Variants in MTMR8 observed in about 807,000 individuals in gnomAD.
The protein encoded by MTMR8 is phosphatidylinositol-3,5-bisphosphate 3-phosphatase MTMR8.
Under a neutral mutation model 39.3 loss-of-function variants are expected in MTMR8, and 65 were observed. The ratio of observed to expected loss-of-function variants is 1.65; its 90% CI spans 1.35 to 2.03. The LOEUF (loss-of-function observed/expected upper bound fraction) is 2.03. Ranked by LOEUF, MTMR8 falls within the 30% of genes most tolerant of loss-of-function variation. The pLI is 0.00. For synonymous variants in MTMR8, 245 were observed against 185.2 expected, an observed-to-expected ratio of 1.32 and a Z score of -2.62; for missense variants, 777 against 538.9, an observed-to-expected ratio of 1.44 and a Z score of -4.37.
chrX:64,301,101 T>G (rs1921854165), intron 12 of MTMR8, among the ~76,000 whole-genome samples: 1 of 106,975 alleles, frequency 9.3e-6, no homozygotes, highest in Non-Finnish European at 1.9e-5. Flanking sequence ...TTCTCTGTAT[T>G]TCCTGAATCT....
chrX:64,354,199 G>A (rs886197007), intron 4 of MTMR8, among the ~76,000 whole-genome samples: 3 of 108,065 alleles, frequency 2.8e-5, no homozygotes, highest in African/African-American at 1.0e-4. Flanking sequence ...GATAAAAAGA[G>A]GATCCTCAAC....
chrX:64,270,886 A>T (rs1361963574), intron 13 of MTMR8, 61 bp downstream of exon 13: 45 of 1,151,059 alleles, frequency 3.9e-5, no homozygotes, highest in Non-Finnish European at 4.8e-5. Flanking sequence ...ATTCAACTCC[A>T]AGCAGGCTGG....
intron 1 of MTMR8, among the ~76,000 whole-genome samples, chrX:64,383,388 T>G (rs1471277821): frequency 3.7e-5 from 4 of 109,255 alleles, no homozygotes; most frequent in African/African-American, 1.3e-4. Context: ...TATAATTATA[T>G]AGAATTCCAA....
intron 12 of MTMR8, among the ~76,000 whole-genome samples, chrX:64,285,798 C>A (rs1285811733): frequency 9.0e-6 from 1 of 110,929 alleles, no homozygotes; most frequent in Admixed American, 9.6e-5. Context: ...ACACAACATA[C>A]CAGAATCTCT....
At chrX:64,352,064 T>C (rs945879884) in intron 4 of MTMR8, among the ~76,000 whole-genome samples, 7 of 111,962 alleles carry the variant, frequency 6.3e-5, no homozygotes, top group Admixed American at 9.5e-5. Flanking sequence ...TAAAACTGTT[T>C]GTACAAACAA....
intron 12 of MTMR8, among the ~76,000 whole-genome samples, chrX:64,288,255 A>G (rs920720004): frequency 9.1e-6 from 1 of 110,469 alleles, no homozygotes; most frequent in Non-Finnish European, 1.9e-5. Flanking sequence ...TACATTTATG[A>G]GCCATGAAAC....
chrX:64,393,782 A>G (rs902540438), intron 1 of MTMR8, among the ~76,000 whole-genome samples: 1 of 112,216 alleles, frequency 8.9e-6, no homozygotes, highest in Non-Finnish European at 1.9e-5. Flanking sequence ...AGGGAGTCAG[A>G]AAAAAAGGTT....
At chrX:64,348,219 C>A (rs1216126215) in intron 6 of MTMR8, among the ~76,000 whole-genome samples, 5 of 109,663 alleles carry the variant, frequency 4.6e-5, no homozygotes, top group Non-Finnish European at 9.5e-5. Context: ...TTTGGGAGAA[C>A]CAAAGTATTA....
At chrX:64,298,590 C>T (rs1053713596) in intron 12 of MTMR8, among the ~76,000 whole-genome samples, 3 of 92,557 alleles carry the variant, frequency 3.2e-5, no homozygotes, top group African/African-American at 6.9e-5. Context: ...TGTCTAATTG[C>T]CCTGGCCAGA....
At chrX:64,364,671 A>C (rs776499002) in intron 1 of MTMR8, among the ~76,000 whole-genome samples, 1 of 111,824 alleles carries the variant, frequency 8.9e-6, no homozygotes, top group African/African-American at 3.3e-5. Context: ...CAGAGCAGAA[A>C]AGCTAAAAAT....
intron 12 of MTMR8, among the ~76,000 whole-genome samples, chrX:64,308,098 A>G (rs921877690): frequency 9.0e-6 from 1 of 111,523 alleles, no homozygotes; most frequent in Non-Finnish European, 1.9e-5. Context: ...ACATGTATAC[A>G]TATGTAACAA....
Position 64,268,174 on chromosome X carries a change from C to T in MTMR8, c.*363G>A, listed in dbSNP as rs1931667687. 5.3e-6 allele frequency: 1 copy of T among 188,838 alleles called. No homozygotes were observed. The highest frequency in any genetic ancestry group is 1.2e-4 in the East Asian group (1 of 8,663). The allele number at this position is 188,838 out of a possible 1,213,427, so 15.6% of individuals were successfully genotyped here. On this transcript the variant is annotated 3_prime_UTR_variant, in exon 14 of 14. Transcript: ENST00000374852. ...AAAGGGTCATTATTGACCATTGTGACAATATTTCCACTTCACTTTCACATT... is the reference window on the plus strand; with the variant it reads ...AAAGGGTCATTATTGACCATTGTGATAATATTTCCACTTCACTTTCACATT...
At chrX:64,353,480 G>A (rs941420396) in intron 4 of MTMR8, among the ~76,000 whole-genome samples, 9 of 112,089 alleles carry the variant, frequency 8.0e-5, no homozygotes, top group Non-Finnish European at 1.9e-5. Context: ...TGACCAACAA[G>A]TATATGAAAA....
chrX:64,276,286 T>C (rs756708145), intron 12 of MTMR8, among the ~76,000 whole-genome samples: 8 of 110,938 alleles, frequency 7.2e-5, no homozygotes, highest in Non-Finnish European at 1.5e-4. Flanking sequence ...TAGTTCCAGA[T>C]CTAGATTCTA....
At chrX:64,391,686 C>T (rs1924694145) in intron 1 of MTMR8, among the ~76,000 whole-genome samples, 1 of 112,296 alleles carries the variant, frequency 8.9e-6, no homozygotes, top group Non-Finnish European at 1.9e-5. Context: ...ATGTGCCAGA[C>T]ATTGTTCTAA....
At chrX:64,369,292 C>T (rs1924063250) in intron 1 of MTMR8, among the ~76,000 whole-genome samples, 1 of 111,732 alleles carries the variant, frequency 8.9e-6, no homozygotes, top group Admixed American at 9.5e-5. Flanking sequence ...ATAAATCATG[C>T]TACTATAAAG....
At chrX:64,370,038 A>T (rs143040746) in intron 1 of MTMR8, among the ~76,000 whole-genome samples, 1,575 of 111,386 alleles carry the variant, frequency 0.014, 37 homozygotes, top group African/African-American at 0.047. Context: ...TGCTTGCCTG[A>T]GATGGGGGAG....
At chrX:64,356,482 C>T in intron 2 of MTMR8, 144 bp from the exon 3 acceptor site, 1 of 502,470 alleles carries the variant, frequency 2.0e-6, no homozygotes, top group Non-Finnish European at 3.2e-6. Flanking sequence ...TTGTAAGACA[C>T]AACTGGGGTT....
At chrX:64,296,098 C>T (rs1602113429) in intron 12 of MTMR8, among the ~76,000 whole-genome samples, 1 of 111,962 alleles carries the variant, frequency 8.9e-6, no homozygotes, top group Non-Finnish European at 1.9e-5. Flanking sequence ...GTGCTATATC[C>T]ATACAATAGA....
Sources: gnomAD v4.1 joint callset for allele counts (sites outside exome capture counted in the v4.1 genomes callset) on GRCh38, gnomAD v4.1.1 for gene constraint, MANE v1.5 for transcripts, NCBI Gene and HGNC (gene_info 2026-07-23, HGNC 2026-07-21) for gene names.